Variants in DPY19L1 observed in about 807,000 individuals in gnomAD.
The protein encoded by DPY19L1 is protein C-mannosyl-transferase DPY19L1.
Under a neutral mutation model 96.9 loss-of-function variants are expected in DPY19L1, and 35 were observed. The ratio of observed to expected loss-of-function variants is 0.36; its 90% CI spans 0.28 to 0.48. The LOEUF (loss-of-function observed/expected upper bound fraction) is 0.48, where lower values mean the gene tolerates loss of function less well. Ranked by LOEUF, DPY19L1 falls within the 20% of genes least tolerant of loss-of-function variation. DPY19L1 has a pLI of 0.99. For synonymous variants in DPY19L1, 205 were observed against 252.6 expected, an observed-to-expected ratio of 0.81 and a Z score of 1.79; for missense variants, 521 against 777.9, an observed-to-expected ratio of 0.67 and a Z score of 3.93.
At chr7:35,025,237 G>C (rs1439119230) in intron 1 of DPY19L1, among the ~76,000 whole-genome samples, 5 of 152,086 alleles carry the variant, frequency 3.3e-5, no homozygotes, top group Non-Finnish European at 7.4e-5. Flanking sequence ...GGATTGCTTT[G>C]TGTAGCTTCA....
At chr7:34,936,874 AC>A in intron 21 of DPY19L1, among the ~76,000 whole-genome samples, 1 of 152,354 alleles carries the variant, frequency 6.6e-6, no homozygotes, top group East Asian at 1.9e-4. Flanking sequence ...TTGTCTTAAT[AC>A]CATATGTGTC....
chr7:35,036,708 C>A (rs1179081231), intron 1 of DPY19L1, among the ~76,000 whole-genome samples: 1 of 152,246 alleles, frequency 6.6e-6, no homozygotes, highest in Non-Finnish European at 1.5e-5. Flanking sequence ...CGTTTCCAAG[C>A]CAAAGCAAAC....
intron 1 of DPY19L1, among the ~76,000 whole-genome samples, chr7:35,027,922 CATG>C (rs1273734197): frequency 2.0e-5 from 3 of 152,152 alleles, no homozygotes; most frequent in South Asian, 2.1e-4. Flanking sequence ...CAGTGGTCTA[CATG>C]ATGATGGTTT....
At chr7:34,982,220 G>A (rs1784953906) in intron 7 of DPY19L1, among the ~76,000 whole-genome samples, 1 of 152,122 alleles carries the variant, frequency 6.6e-6, no homozygotes, top group Non-Finnish European at 1.5e-5. Context: ...GAGAATATGG[G>A]CTGTATTAAG....
chr7:34,984,401 C>T (rs1785004084), intron 7 of DPY19L1, among the ~76,000 whole-genome samples: 1 of 152,130 alleles, frequency 6.6e-6, no homozygotes, highest in Non-Finnish European at 1.5e-5. Context: ...AGGAATAGTC[C>T]TTTCTGGAAA....
Position 34,931,612 on chromosome 7 carries a change from C to G in DPY19L1, c.2208G>C (p.Gln736His), listed in dbSNP as rs772169742. Residue 736 changes from glutamine (Q) to histidine (H), a missense_variant, in exon 22 of 22, where the codon CAG becomes CAC. Transcript: ENST00000638088. ...CTTCTAGGACTTTGTAAACACTGTTCTGGAATACAGTGGTGAAGTGAGGTT... is the reference window on the plus strand; with the variant it reads ...CTTCTAGGACTTTGTAAACACTGTTGTGGAATACAGTGGTGAAGTGAGGTT... ...DSKPHFTTVF[Q>H]NSVYKVLEVV... 3.2e-6 allele frequency: 5 copies of G among 1,566,256 alleles called. No individual in the cohort carries two copies. Among genetic ancestry groups the G allele is most frequent in the Non-Finnish European group, 4.3e-6 (5 of 1,160,520 alleles).
chr7:35,023,818 TTTTTC>T (rs199763126), intron 1 of DPY19L1, among the ~76,000 whole-genome samples: 15 of 135,682 alleles, frequency 1.1e-4, no homozygotes, highest in South Asian at 4.5e-4. Flanking sequence ...AAATATATTC[TTTTTC>T]TTTTCTTTTC....
chr7:34,964,496 T>C (rs566454038), intron 10 of DPY19L1, among the ~76,000 whole-genome samples: 1 of 152,288 alleles, frequency 6.6e-6, no homozygotes, highest in South Asian at 2.1e-4. Context: ...AAAAATCCTA[T>C]CAACATGACA....
chr7:35,035,364 G>GT (rs1368310843), intron 1 of DPY19L1, among the ~76,000 whole-genome samples: 1 of 152,094 alleles, frequency 6.6e-6, no homozygotes, highest in Non-Finnish European at 1.5e-5. Flanking sequence ...AAATCCAAAG[G>GT]TAAGTCATCC....
At chr7:34,972,976 T>A (rs1303266638) in intron 8 of DPY19L1, among the ~76,000 whole-genome samples, 2 of 152,216 alleles carry the variant, frequency 1.3e-5, no homozygotes, top group Admixed American at 6.5e-5. Context: ...ATTCGGAGGA[T>A]CACTGAAGGG....
intron 14 of DPY19L1, among the ~76,000 whole-genome samples, chr7:34,949,265 G>A (rs1784219054): frequency 1.3e-5 from 2 of 152,008 alleles, no homozygotes; most frequent in African/African-American, 4.8e-5. Context: ...CATGCTACTA[G>A]AAACTAGTAA....
intron 1 of DPY19L1, among the ~76,000 whole-genome samples, chr7:35,030,262 T>A (rs1258584593): frequency 6.6e-6 from 1 of 152,204 alleles, no homozygotes; most frequent in East Asian, 1.9e-4. Flanking sequence ...AAGGGCAGAG[T>A]AGTAGCACTT....
At chr7:34,974,147 CA>C (rs1784785147) in intron 7 of DPY19L1, among the ~76,000 whole-genome samples, 1 of 152,118 alleles carries the variant, frequency 6.6e-6, no homozygotes, top group African/African-American at 2.4e-5. Context: ...AATTAAGTAA[CA>C]AAAGTCCTGA....
chr7:35,005,120 C>T (rs989463362), intron 6 of DPY19L1, among the ~76,000 whole-genome samples: 4 of 152,078 alleles, frequency 2.6e-5, no homozygotes, highest in African/African-American at 9.7e-5. Flanking sequence ...TATAATTCTA[C>T]CATATTTCTC....
intron 1 of DPY19L1, among the ~76,000 whole-genome samples, chr7:35,029,951 C>T (rs900064812): frequency 7.9e-5 from 12 of 152,192 alleles, no homozygotes; most frequent in African/African-American, 2.9e-4. Context: ...TTACATTGGG[C>T]CATTCACCTG....
chr7:35,013,678 T>C lies in DPY19L1; in HGVS notation c.439A>G (p.Ile147Val). 2 of 1,604,020 alleles carry C rather than the reference T, an allele frequency of 1.2e-6. No individual in the cohort carries two copies. Among genetic ancestry groups the C allele is most frequent in the African/African-American group, 1.3e-5 (1 of 74,840 alleles). ...TTCAAAAATGAGGGTGCTTCCACAATAGTCTTGAAATAGGAATAATATAGT... is the reference window on the plus strand; with the variant it reads ...TTCAAAAATGAGGGTGCTTCCACAACAGTCTTGAAATAGGAATAATATAGT... ...MGLYYSYFKT[I>V]VEAPSFLNGV... The change falls in exon 4 of 22, where the codon ATT (isoleucine) becomes GTT (valine). Residue 147 changes from isoleucine to valine, a missense_variant. Physicochemically the swap from Ile to Val is conservative, Grantham distance 29. Transcript: ENST00000638088.
intron 10 of DPY19L1, among the ~76,000 whole-genome samples, chr7:34,959,629 C>T (rs1784449112): frequency 6.6e-6 from 1 of 151,426 alleles, no homozygotes; most frequent in South Asian, 2.1e-4. Context: ...AAACCAAACA[C>T]TGCATGTCCT....
At chr7:34,959,931 A>ATATATATATAAATATATATATTTATT (rs1784467275) in intron 10 of DPY19L1, among the ~76,000 whole-genome samples, 1 of 81,398 alleles carries the variant, frequency 1.2e-5, no homozygotes, top group Non-Finnish European at 3.1e-5. Context: ...ATATTTATAT[A>ATATATATATAAATATATATATTTATT]TATATATATA....
chr7:34,946,332 G>A (rs1225652811), intron 15 of DPY19L1, among the ~76,000 whole-genome samples: 2 of 152,124 alleles, frequency 1.3e-5, no homozygotes, highest in African/African-American at 2.4e-5. Context: ...GATCAGTTCT[G>A]GTCAAAAGTC....
Sources: gnomAD v4.1 joint callset for allele counts (sites outside exome capture counted in the v4.1 genomes callset) on GRCh38, gnomAD v4.1.1 for gene constraint, MANE v1.5 for transcripts, NCBI Gene and HGNC (gene_info 2026-07-23, HGNC 2026-07-21) for gene names.